Variants in CIMIP2A observed in about 807,000 individuals in gnomAD.
The protein encoded by CIMIP2A is ciliary microtubule inner protein 2A.
chr9:137,252,506 A>G, the CIMIP2A span: 2 of 1,597,546 alleles, frequency 1.3e-6, no homozygotes, highest in African/African-American at 2.8e-5. Flanking sequence ...CAGAAAGCTG[A>G]CTTCGACCAA....
the CIMIP2A span, chr9:137,245,853 G>A: frequency 2.0e-6 from 3 of 1,504,218 alleles, no homozygotes; most frequent in African/African-American, 2.8e-5. Flanking sequence ...AGCCGGCATA[G>A]CTGTGGAGGG....
the CIMIP2A span, among the ~76,000 whole-genome samples, chr9:137,254,770 G>C: frequency 6.6e-6 from 1 of 152,066 alleles, no homozygotes; most frequent in South Asian, 2.1e-4. Flanking sequence ...CGCGGAGCTC[G>C]GTGGGCGCCA....
At chr9:137,245,677 C>T in the CIMIP2A span, 22 of 1,605,672 alleles carry the variant, frequency 1.4e-5, no homozygotes, top group African/African-American at 1.9e-4. Context: ...CAGGTCTTGG[C>T]AGGGAACCCT....
At chr9:137,243,787 G>C in the CIMIP2A span, 5 of 1,613,958 alleles carry the variant, frequency 3.1e-6, no homozygotes, top group Non-Finnish European at 4.2e-6. Flanking sequence ...TGTCCTGCAT[G>C]GCTGCGGGGA....
the CIMIP2A span, chr9:137,252,145 C>T: frequency 6.2e-7 from 1 of 1,601,622 alleles, no homozygotes. Flanking sequence ...GGTGTGTGTC[C>T]CCTCCCTGAG....
the CIMIP2A span, chr9:137,243,758 C>A: frequency 1.2e-6 from 2 of 1,613,974 alleles, no homozygotes; most frequent in Admixed American, 1.7e-5. Flanking sequence ...GGTGCTGTTG[C>A]CGAATGTCAG....
At chr9:137,246,258 C>G in the CIMIP2A span, among the ~76,000 whole-genome samples, 2 of 152,230 alleles carry the variant, frequency 1.3e-5, no homozygotes, top group Non-Finnish European at 2.9e-5. Flanking sequence ...CAGGGCCCAC[C>G]AGGAGGGTGT....
At chr9:137,243,681 C>CA in the CIMIP2A span, 1 of 1,614,022 alleles carries the variant, frequency 6.2e-7, no homozygotes, top group South Asian at 1.1e-5. Context: ...GCTGTACAGA[C>CA]ACCACCATTA....
chr9:137,245,299 C>A, the CIMIP2A span: 1 of 1,582,142 alleles, frequency 6.3e-7, no homozygotes, highest in Non-Finnish European at 8.6e-7. Flanking sequence ...GGTGCATCCC[C>A]TGGCTGCCTG....
the CIMIP2A span, chr9:137,252,296 A>G: frequency 7.6e-7 from 1 of 1,315,382 alleles, no homozygotes; most frequent in Non-Finnish European, 1.1e-6. Context: ...TGGAGAGAGG[A>G]GGGCTAGGGC....
the CIMIP2A span, chr9:137,251,955 G>T: frequency 6.3e-7 from 1 of 1,597,000 alleles, no homozygotes; most frequent in African/African-American, 1.3e-5. Context: ...TGTGGGAGGG[G>T]CCCGCTGAAA....
the CIMIP2A span, chr9:137,244,796 C>T: frequency 6.3e-7 from 1 of 1,591,072 alleles, no homozygotes; most frequent in Non-Finnish European, 8.6e-7. Flanking sequence ...CTGGGCACAC[C>T]CACCTGCCCT....
the CIMIP2A span, chr9:137,245,397 C>T: frequency 6.2e-7 from 1 of 1,613,648 alleles, no homozygotes; most frequent in Admixed American, 1.7e-5. Flanking sequence ...TGGAGTCTCC[C>T]TTCCTGCCTG....
At chr9:137,251,904 G>A in the CIMIP2A span, 2 of 1,604,632 alleles carry the variant, frequency 1.2e-6, no homozygotes, top group Admixed American at 1.7e-5. Flanking sequence ...ATGTGAGTGA[G>A]GGTCCTGGCC....
chr9:137,244,270 G>T, the CIMIP2A span: 84 of 1,613,780 alleles, frequency 5.2e-5, no homozygotes, highest in East Asian at 1.8e-3. Context: ...AGGTCACAGT[G>T]GGGGTTTCTA....
At chr9:137,245,287 C>T in the CIMIP2A span, 6 of 1,579,670 alleles carry the variant, frequency 3.8e-6, no homozygotes, top group Non-Finnish European at 5.2e-6. Context: ...GGGCTTGGCA[C>T]TGGTGCATCC....
At chr9:137,248,200 C>A in the CIMIP2A span, among the ~76,000 whole-genome samples, 5 of 152,298 alleles carry the variant, frequency 3.3e-5, no homozygotes, top group Admixed American at 6.5e-5. Flanking sequence ...ACATTTTAAG[C>A]AAATCCTGAA....
the CIMIP2A span, chr9:137,247,651 G>A: frequency 9.9e-6 from 16 of 1,611,998 alleles, no homozygotes; most frequent in Admixed American, 1.7e-5. Context: ...CAGAGCTCCC[G>A]GCTCTCACCC....
chr9:137,252,753 A>G, the CIMIP2A span: 3 of 1,559,602 alleles, frequency 1.9e-6, no homozygotes, highest in Non-Finnish European at 2.6e-6. Flanking sequence ...AAGACACCTG[A>G]AGGCCACACC....
Sources: gnomAD v4.1 joint callset for allele counts (sites outside exome capture counted in the v4.1 genomes callset) on GRCh38, gnomAD v4.1.1 for gene constraint, MANE v1.5 for transcripts, NCBI Gene and HGNC (gene_info 2026-07-23, HGNC 2026-07-21) for gene names.